Variants in SERP2 observed in about 807,000 individuals in gnomAD.
SERP2 encodes the protein stress associated endoplasmic reticulum protein family member 2.
A neutral mutation model predicts 9.1 loss-of-function variants in SERP2; 6 were observed. The observed-to-expected ratio is 0.66, with a 90% confidence interval of 0.36 to 1.30. SERP2 has a LOEUF of 1.30. SERP2 is among the 50% of genes most tolerant of loss of function. The pLI is 0.03. For synonymous variants in SERP2, 37 were observed against 27.3 expected, an observed-to-expected ratio of 1.35 and a Z score of -1.10; for missense variants, 58 against 81.9, an observed-to-expected ratio of 0.71 and a Z score of 1.13.
intron 2 of SERP2, among the ~76,000 whole-genome samples, chr13:44,382,564 G>A (rs565798380): frequency 6.6e-6 from 1 of 151,870 alleles, no homozygotes; most frequent in Non-Finnish European, 1.5e-5. Context: ...TGTATGACCA[G>A]TCTGTAGATT....
intron 1 of SERP2, 85 bp downstream of exon 1, chr13:44,374,194 C>T (rs1374818674): frequency 3.3e-6 from 3 of 897,532 alleles, no homozygotes; most frequent in African/African-American, 1.8e-5. Flanking sequence ...GGGCGGGTAG[C>T]GGCGCAGGGT....
At chr13:44,387,655 T>C (rs994028074) in intron 2 of SERP2, among the ~76,000 whole-genome samples, 1 of 152,238 alleles carries the variant, frequency 6.6e-6, no homozygotes, top group African/African-American at 2.4e-5. Flanking sequence ...ATACCCTACA[T>C]TGACAGGATG....
chr13:44,396,101 A>G, intron 2 of SERP2: 1 of 213,518 alleles, frequency 4.7e-6, no homozygotes, highest in East Asian at 1.2e-4. Context: ...TGATGGGTAC[A>G]GTGTTTTTAC....
At position 44,373,872 on chromosome 13, in the gene SERP2, C is replaced by T. The variant is rs1871452925; in HGVS notation, c.-154C>T. On this transcript the variant is annotated 5_prime_UTR_variant, in exon 1 of 3. Transcript: ENST00000379179. The surrounding 1 kb of genome is among the most constrained non-coding windows in gnomAD (Gnocchi z 4.8). Reference sequence around the variant, plus strand: ...TCTCTGGAGTCGGCTAGCCGGGGCTCGGGGAGCGGGGTGCGCAGGGCTCGG... The same window carrying T: ...TCTCTGGAGTCGGCTAGCCGGGGCTTGGGGAGCGGGGTGCGCAGGGCTCGG... The T allele has an allele frequency of 1.7e-6, 1 of 590,128 alleles. No homozygotes were observed. The allele number at this position is 590,128 out of a possible 1,614,324, so 36.6% of individuals were successfully genotyped here. A position where few individuals can be genotyped will look rare whatever the true frequency, so the allele number is the denominator to read the frequency against.
chr13:44,390,807 T>C (rs1872704640), intron 2 of SERP2: 1 of 157,156 alleles, frequency 6.4e-6, no homozygotes, highest in African/African-American at 2.4e-5. Context: ...TGCTTTTGAC[T>C]TTCTTTGTGC....
chr13:44,395,949 A>C (rs754062601), intron 2 of SERP2: 1 of 435,438 alleles, frequency 2.3e-6, no homozygotes, highest in Non-Finnish European at 4.6e-6. Context: ...GAAGCATTTC[A>C]GTGTCAGATC....
intron 2 of SERP2, 31 bp downstream of exon 2, chr13:44,379,744 T>C (rs748101322): frequency 6.8e-7 from 1 of 1,466,328 alleles, no homozygotes; most frequent in Non-Finnish European, 9.4e-7. Flanking sequence ...TTATATCCCA[T>C]GTTCTCCACT....
intron 2 of SERP2, among the ~76,000 whole-genome samples, chr13:44,392,051 A>G (rs1872800493): frequency 6.6e-6 from 1 of 151,668 alleles, no homozygotes; most frequent in African/African-American, 2.4e-5. Flanking sequence ...AAAAAAAATT[A>G]GCTGGGCATG....
chr13:44,379,881 TA>T (rs1871872581), intron 2 of SERP2, among the ~76,000 whole-genome samples, 168 bp downstream of exon 2: 1 of 152,236 alleles, frequency 6.6e-6, no homozygotes, highest in Admixed American at 6.5e-5. Flanking sequence ...CTATTCCAAA[TA>T]TAGGTAGAGA....
At chr13:44,382,694 G>A (rs1872064063) in intron 2 of SERP2, among the ~76,000 whole-genome samples, 1 of 152,088 alleles carries the variant, frequency 6.6e-6, no homozygotes, top group Non-Finnish European at 1.5e-5. Flanking sequence ...GAAACCCACA[G>A]AACACAATCA....
intron 2 of SERP2, among the ~76,000 whole-genome samples, chr13:44,385,768 G>A (rs1201030393): frequency 1.3e-5 from 2 of 152,250 alleles, no homozygotes; most frequent in Non-Finnish European, 2.9e-5. Flanking sequence ...AGAAAATGGG[G>A]ATAATGAGCA....
intron 2 of SERP2, among the ~76,000 whole-genome samples, chr13:44,391,522 C>T (rs976735014): frequency 6.6e-6 from 1 of 152,166 alleles, no homozygotes; most frequent in Non-Finnish European, 1.5e-5. Context: ...CACCAAAACA[C>T]TTTCAATTCA....
chr13:44,388,151 T>C (rs58074560), intron 2 of SERP2, among the ~76,000 whole-genome samples: 1 of 151,846 alleles, frequency 6.6e-6, no homozygotes, highest in South Asian at 2.1e-4. Context: ...TTTTTTTTTT[T>C]TAAGCTGCAG....
intron 2 of SERP2, among the ~76,000 whole-genome samples, chr13:44,385,408 G>A (rs1179728917): frequency 6.6e-6 from 1 of 152,230 alleles, no homozygotes; most frequent in Non-Finnish European, 1.5e-5. Context: ...GGGAGCAACA[G>A]ACCTCCCGGG....
chr13:44,388,765 T>A (rs1481441006), intron 2 of SERP2, among the ~76,000 whole-genome samples: 3 of 152,208 alleles, frequency 2.0e-5, no homozygotes, highest in Non-Finnish European at 4.4e-5. Context: ...TTCTCTGAGA[T>A]GTCCTTGGCA....
At chr13:44,393,531 G>C (rs545641436) in intron 2 of SERP2, among the ~76,000 whole-genome samples, 2 of 152,068 alleles carry the variant, frequency 1.3e-5, no homozygotes, top group Admixed American at 6.6e-5. Context: ...CGCCCTGATC[G>C]CCTGCCCTGG....
intron 1 of SERP2, among the ~76,000 whole-genome samples, chr13:44,374,802 G>A (rs1445354875): frequency 1.3e-5 from 2 of 151,990 alleles, no homozygotes; most frequent in Admixed American, 1.3e-4. Context: ...ACCTCCCTCA[G>A]CCCCTAGGCT....
intron 2 of SERP2, chr13:44,390,296 T>TCCACCCCCCCCCCCCCCCCCCCCC: frequency 5.3e-6 from 1 of 188,776 alleles, no homozygotes; most frequent in Admixed American, 6.9e-5. Context: ...GCCACCGGTG[T>TCCACCCCCCCCCCCCCCCCCCCCC]CCCCACCCAC....
Position 44,397,323 on chromosome 13 carries a change from G to T in SERP2, c.*11G>T, listed in dbSNP as rs551491504. 32 of 1,606,854 alleles carry T rather than the reference G, an allele frequency of 2.0e-5. No individual in the cohort carries two copies. The highest frequency in any genetic ancestry group is 2.5e-5 in the Non-Finnish European group (29 of 1,173,538). On this transcript the variant is annotated 3_prime_UTR_variant, in exon 3 of 3. Transcript: ENST00000379179. ...AGGATGGGCATGTGAGAAAGCCAGG[G>T]ATTTGACACCACCTCCCTCCCACTG... is the stretch of plus-strand genomic sequence containing the variant.
Sources: allele counts gnomAD v4.1 joint callset (sites outside exome capture counted in the v4.1 genomes callset), GRCh38; gene constraint gnomAD v4.1.1; non-coding constraint Gnocchi (gnomAD v3.1); transcripts MANE v1.5; gene names NCBI Gene and HGNC (gene_info 2026-07-23, HGNC 2026-07-21).